Variants in UAP1 observed in about 807,000 individuals in gnomAD.
The protein encoded by UAP1 is UDP-N-acetylglucosamine pyrophosphorylase 1, also known as UDP-N-acetylhexosamine pyrophosphorylase.
UAP1 carries 25 observed loss-of-function variants against 58.5 expected under a neutral mutation model. The ratio of observed to expected loss-of-function variants is 0.43; its 90% CI spans 0.31 to 0.60. The LOEUF is 0.60. Ranked by LOEUF, UAP1 falls within the 20% of genes least tolerant of loss-of-function variation. UAP1 has a pLI of 0.11. For missense variants in UAP1, 575 were observed against 630.0 expected (o/e 0.91, Z 0.93); for synonymous variants, 208 against 213.0 (o/e 0.98, Z 0.21).
chr1:162,577,011 C>T (rs758156034), intron 3 of UAP1, 30 bp downstream of exon 3: 34 of 1,594,294 alleles, frequency 2.1e-5, no homozygotes, highest in Non-Finnish European at 3.4e-6. Flanking sequence ...TGGAGTGTGT[C>T]TGAACATATA....
intron 3 of UAP1, 88 bp downstream of exon 3, chr1:162,577,069 CAT>C (rs1654234355): frequency 8.0e-7 from 1 of 1,248,204 alleles, no homozygotes; most frequent in Admixed American, 2.2e-5. Flanking sequence ...CACTCACAGA[CAT>C]ATTTCTTGTT....
rs1322221859 is a variant in UAP1 at position 162,581,326 on chromosome 1, A to G, written c.701A>G (p.Asn234Ser). 3 of 1,613,866 alleles carry G rather than the reference A, an allele frequency of 1.9e-6. No individual in the cohort carries two copies. The Admixed American group carries it at 5.0e-5, about 27-fold the overall frequency. Residue 234 changes from asparagine (N) to serine (S), a missense_variant, in exon 5 of 11, where the codon AAT becomes AGT. By Grantham distance (46) the Asn-to-Ser change is conservative. Coordinates refer to ENST00000271469, the Ensembl canonical transcript of UAP1. ...CTTTATCGGGCACTTGCAGCCCAGA[A>G]TATTGTGGAGGATATGGAGCAAAGA...
exon 1 of UAP1, chr1:162,561,757 G>C (rs1653147925): frequency 6.6e-6 from 1 of 152,454 alleles, no homozygotes; most frequent in Non-Finnish European, 1.5e-5. Context: ...GACGGTCGTA[G>C]CTGCGGTCGC....
chr1:162,594,828 A>T (rs1157132866), intron 9 of UAP1, among the ~76,000 whole-genome samples: 2 of 152,284 alleles, frequency 1.3e-5, no homozygotes, highest in East Asian at 1.9e-4. Context: ...CCATTTATAG[A>T]ATAATTAAAG....
chr1:162,579,934 G>A (rs895673375), intron 4 of UAP1, among the ~76,000 whole-genome samples: 13 of 152,156 alleles, frequency 8.5e-5, no homozygotes, highest in Middle Eastern at 3.4e-3. Flanking sequence ...GCGCAATCTC[G>A]GCTCACTGCA....
chr1:162,589,404 C>T (rs970927689), intron 7 of UAP1, among the ~76,000 whole-genome samples: 6 of 148,286 alleles, frequency 4.0e-5, no homozygotes, highest in Non-Finnish European at 8.9e-5. Context: ...CTTCCCATCT[C>T]GGCCGCCCAA....
chr1:162,597,728 A>G (rs1349822691), intron 9 of UAP1, 64 bp from the exon 10 acceptor site: 1 of 1,370,814 alleles, frequency 7.3e-7, no homozygotes, highest in African/African-American at 1.4e-5. Context: ...TATGGTTTGT[A>G]CTTTTGCTCT....
chr1:162,582,541 A>G (rs773666488), intron 5 of UAP1, among the ~76,000 whole-genome samples: 25 of 152,214 alleles, frequency 1.6e-4, no homozygotes, highest in Admixed American at 1.2e-3. Flanking sequence ...CTGGCTAACA[A>G]TAAAGTAAGA....
intron 3 of UAP1, among the ~76,000 whole-genome samples, 185 bp downstream of exon 3, chr1:162,577,166 TTAA>T (rs1054407600): frequency 1.3e-5 from 2 of 152,112 alleles, no homozygotes; most frequent in African/African-American, 4.8e-5. Flanking sequence ...CACTATTGAC[TTAA>T]TAAGCAATAT....
At chr1:162,564,562 C>T (rs893787338) in intron 1 of UAP1, among the ~76,000 whole-genome samples, 2 of 152,134 alleles carry the variant, frequency 1.3e-5, no homozygotes, top group Non-Finnish European at 2.9e-5. Flanking sequence ...TGGTTCAGAC[C>T]TTTGGTATTT....
intron 5 of UAP1, 102 bp downstream of exon 5, chr1:162,581,561 T>C: frequency 2.4e-6 from 3 of 1,236,694 alleles, no homozygotes; most frequent in South Asian, 1.6e-5. Flanking sequence ...TTGAATATTT[T>C]AGAACCATTT....
chr1:162,589,133 T>TA (rs1655104494), intron 7 of UAP1, among the ~76,000 whole-genome samples: 1 of 107,894 alleles, frequency 9.3e-6, no homozygotes, highest in Admixed American at 1.4e-4. Context: ...ATATATATAA[T>TA]TTATATATTT....
chr1:162,600,577 C>T (rs74231116), downstream of UAP1, among the ~76,000 whole-genome samples: 1,898 of 151,114 alleles, frequency 0.013, 29 homozygotes, highest in East Asian at 0.05. Flanking sequence ...GAATAAATTT[C>T]ATTTTCCGCT....
chr1:162,589,107 ATTATATATATATT>A (rs1196077616), intron 7 of UAP1, among the ~76,000 whole-genome samples: 1 of 118,806 alleles, frequency 8.4e-6, no homozygotes, highest in African/African-American at 3.3e-5. Flanking sequence ...AAATATATAT[ATTATATATATATT>A]TTATATATAT....
chr1:162,565,409 G>GT (rs1456056757), intron 1 of UAP1, among the ~76,000 whole-genome samples: 1 of 152,172 alleles, frequency 6.6e-6, no homozygotes, highest in Non-Finnish European at 1.5e-5. Flanking sequence ...GAGGATCCAA[G>GT]TTTTTAATGA....
intron 1 of UAP1, among the ~76,000 whole-genome samples, chr1:162,564,742 T>C (rs1653381809): frequency 6.6e-6 from 1 of 152,222 alleles, no homozygotes; most frequent in African/African-American, 2.4e-5. Flanking sequence ...CTAAATTCTT[T>C]TGGTTAGTTT....
At chr1:162,596,957 G>C (rs576270443) in intron 9 of UAP1, among the ~76,000 whole-genome samples, 44 of 152,308 alleles carry the variant, frequency 2.9e-4, no homozygotes, top group Middle Eastern at 3.4e-3. Flanking sequence ...TAAATGTTAG[G>C]TTGTGACCTA....
intron 2 of UAP1, among the ~76,000 whole-genome samples, chr1:162,575,820 C>T (rs970558635): frequency 5.3e-5 from 8 of 150,882 alleles, no homozygotes; most frequent in Admixed American, 5.3e-4. Context: ...CCTGTTTCAG[C>T]CTACAGGTGT....
chr1:162,589,176 T>TATATA (rs1364896545), intron 7 of UAP1, among the ~76,000 whole-genome samples: 13 of 95,978 alleles, frequency 1.4e-4, no homozygotes, highest in African/African-American at 5.7e-4. Flanking sequence ...TATATAAATA[T>TATATA]TATATATAAT....
Sources: gnomAD v4.1 joint callset for allele counts (sites outside exome capture counted in the v4.1 genomes callset) on GRCh38, gnomAD v4.1.1 for gene constraint, MANE v1.5 for transcripts, NCBI Gene and HGNC (gene_info 2026-07-23, HGNC 2026-07-21) for gene names.